The following STUM variants were observed in gnomAD, a reference collection of about 807,000 sequenced individuals.
The protein encoded by STUM is protein stum homolog.
In STUM, 8 loss-of-function variants were observed where a neutral mutation model predicts 15.3. The observed-to-expected ratio is 0.52, with a 90% CI of 0.31 to 0.94. The LOEUF (loss-of-function observed/expected upper bound fraction) is 0.94, where lower values mean the gene tolerates loss of function less well. Ranked by LOEUF, STUM falls within the 40% of genes least tolerant of loss-of-function variation. The pLI, the probability that STUM is intolerant of heterozygous loss-of-function variation, is 0.05. For missense variants in STUM, 142 were observed against 204.9 expected (o/e 0.69, Z 1.87); for synonymous variants, 78 against 88.7 (o/e 0.88, Z 0.68).
chr1:226,580,291 T>C (rs1278022707), intron 1 of STUM, among the ~76,000 whole-genome samples: 2 of 152,000 alleles, frequency 1.3e-5, no homozygotes, highest in Non-Finnish European at 2.9e-5. Context: ...CTTGTACTTG[T>C]TTTTGAGAGG....
intron 1 of STUM, among the ~76,000 whole-genome samples, chr1:226,564,374 T>G (rs1011205710): frequency 1.4e-4 from 22 of 152,172 alleles, no homozygotes; most frequent in African/African-American, 5.1e-4. Context: ...TGAGTGGCTT[T>G]GTCTCCCAGG....
At chr1:226,587,431 C>T (rs1385112959) in intron 1 of STUM, among the ~76,000 whole-genome samples, 2 of 152,178 alleles carry the variant, frequency 1.3e-5, no homozygotes, top group Admixed American at 1.3e-4. Context: ...ACACTAACAG[C>T]TGCAGCCCAC....
At chr1:226,578,507 A>G (rs933219685) in intron 1 of STUM, among the ~76,000 whole-genome samples, 18 of 151,266 alleles carry the variant, frequency 1.2e-4, no homozygotes, top group Admixed American at 6.6e-5. Context: ...CTGGGACCAC[A>G]GGCATGCACC....
chr1:226,568,448 A>T (rs999424577), intron 1 of STUM, among the ~76,000 whole-genome samples: 9 of 152,166 alleles, frequency 5.9e-5, no homozygotes, highest in Admixed American at 5.9e-4. Flanking sequence ...CAGCTTCAGG[A>T]ATGTGGTTCA....
rs1170798890 is a variant in STUM at position 226,605,586 on chromosome 1, C to T, written c.*3546C>T. ...CTAAACATGCAACATAAATTACCAT[C>T]TCTTCTCCATCCCCTCAGCAGCCGC... On this transcript the variant is annotated 3_prime_UTR_variant, in exon 4 of 4. Transcript: ENST00000366788. The surrounding 1 kb of genome is among the most constrained non-coding windows in gnomAD (Gnocchi z 4.0). 1.3e-5 allele frequency: 2 copies of T among 152,180 alleles called. No individual in the cohort carries two copies. Among genetic ancestry groups the T allele is most frequent in the Non-Finnish European group, 2.9e-5 (2 of 68,026 alleles). 9.4% of individuals were successfully genotyped at this position (152,180 alleles called of 1,614,324 possible). A position where few individuals can be genotyped will look rare whatever the true frequency, so the allele number is the denominator to read the frequency against.
At position 226,602,865 on chromosome 1, in the gene STUM, T is replaced by G. The variant is rs1668293603; in HGVS notation, c.*825T>G. 1 of 152,200 alleles carries G rather than the reference T, an allele frequency of 6.6e-6. No homozygotes were observed. Among genetic ancestry groups the G allele is most frequent in the Non-Finnish European group, 1.5e-5 (1 of 68,040 alleles). The allele number at this position is 152,200 out of a possible 1,614,324, so 9.4% of individuals were successfully genotyped here. On this transcript the variant is annotated 3_prime_UTR_variant, in exon 4 of 4. Coordinates refer to ENST00000366788, the MANE Select transcript of STUM (RefSeq NM_001003665.4). ...CTGGCCCACATTCCTTTTTCTGAAG[T>G]CATTGGGGCCAGATGTGTCTCCGAA...
At chr1:226,580,212 G>A (rs899282660) in intron 1 of STUM, among the ~76,000 whole-genome samples, 5 of 152,310 alleles carry the variant, frequency 3.3e-5, no homozygotes, top group South Asian at 4.1e-4. Context: ...TGCAGGTGAT[G>A]GGAGTGGGTG....
At chr1:226,561,462 C>T (rs1326227638) in intron 1 of STUM, among the ~76,000 whole-genome samples, 2 of 152,052 alleles carry the variant, frequency 1.3e-5, no homozygotes, top group African/African-American at 2.4e-5. Flanking sequence ...TGTCCTGCAG[C>T]GTGTGTGTCT....
At chr1:226,586,493 G>GTCTCATA (rs1295430834) in intron 1 of STUM, among the ~76,000 whole-genome samples, 1 of 152,174 alleles carries the variant, frequency 6.6e-6, no homozygotes, top group Admixed American at 6.5e-5. Context: ...CATGTCTCAT[G>GTCTCATA]TCTCATGTCT....
intron 1 of STUM, among the ~76,000 whole-genome samples, chr1:226,558,364 G>C (rs1419995399): frequency 6.6e-6 from 1 of 152,156 alleles, no homozygotes; most frequent in Non-Finnish European, 1.5e-5. Context: ...GTATTTCTCT[G>C]AGTGGCAACT....
chr1:226,591,719 T>C (rs1275419285), intron 1 of STUM, among the ~76,000 whole-genome samples: 2 of 152,186 alleles, frequency 1.3e-5, no homozygotes, highest in Non-Finnish European at 1.5e-5. Flanking sequence ...TTCCTTATGC[T>C]CAAAACTTTC....
Position 226,552,776 on chromosome 1 carries a change from C to T in STUM, c.202+3670C>T, listed in dbSNP as rs1667391898. 1.3e-5 allele frequency among the ~76,000 whole-genome samples: 2 copies of T among 152,204 alleles called. 1 individual carries two copies. The highest frequency in any genetic ancestry group is 4.1e-4 in the South Asian group (2 of 4,830). Reference sequence around the variant, plus strand: ...CTTTCCTCTAGACCCAAGGCTCAAACTGATGATTAATCATGTCCTACCTCC... The same window carrying T: ...CTTTCCTCTAGACCCAAGGCTCAAATTGATGATTAATCATGTCCTACCTCC... On this transcript the variant is annotated intron_variant, in intron 1 of 3. Transcript: ENST00000366788. This position sits in a 1 kb window ranked among gnomAD's most constrained non-coding sequence, Gnocchi z 4.7.
chr1:226,550,919 G>T (rs1667365283), intron 1 of STUM, among the ~76,000 whole-genome samples: 1 of 152,030 alleles, frequency 6.6e-6, no homozygotes, highest in African/African-American at 2.4e-5. Flanking sequence ...GAATCCTATG[G>T]GATTTTTGTG....
chr1:226,599,903 G>T (rs1668239918), intron 2 of STUM, among the ~76,000 whole-genome samples: 1 of 152,216 alleles, frequency 6.6e-6, no homozygotes, highest in African/African-American at 2.4e-5. Context: ...GATCCAAGAG[G>T]TCTGCAAGAT....
intron 1 of STUM, among the ~76,000 whole-genome samples, chr1:226,588,804 A>G (rs1254727207): frequency 6.6e-6 from 1 of 152,214 alleles, no homozygotes; most frequent in Admixed American, 6.5e-5. Flanking sequence ...GCCTTGAACT[A>G]GGCAGCCCTT....
chr1:226,560,641 G>A (rs1020695208), intron 1 of STUM, among the ~76,000 whole-genome samples: 12 of 152,258 alleles, frequency 7.9e-5, no homozygotes, highest in Non-Finnish European at 1.2e-4. Context: ...GCCCTGGTTG[G>A]AGATGTTGCA....
In STUM at chr1:226,548,870, C is replaced by G. The variant is rs1304368211; in HGVS notation, c.-35C>G. 9.1e-6 allele frequency: 12 copies of G among 1,312,368 alleles called. No homozygotes were observed. In the East Asian group the frequency reaches 3.8e-4, roughly 42 times the overall value. The allele number at this position is 1,312,368 out of a possible 1,614,324, so 81.3% of individuals were successfully genotyped here. On this transcript the variant is annotated 5_prime_UTR_variant, in exon 1 of 4. Coordinates refer to ENST00000366788, the MANE Select transcript of STUM (RefSeq NM_001003665.4). ...CCCGTACGCTGGGCGCCAGCTCCGGCCGTGCTGCCCGGCTGCCTGAGAGCG... is the reference window on the plus strand; with the variant it reads ...CCCGTACGCTGGGCGCCAGCTCCGGGCGTGCTGCCCGGCTGCCTGAGAGCG...
chr1:226,578,809 C>T (rs753305465), intron 1 of STUM, among the ~76,000 whole-genome samples: 27 of 152,218 alleles, frequency 1.8e-4, no homozygotes, highest in Admixed American at 7.2e-4. Flanking sequence ...CTCTCCCCTC[C>T]CATCCCTGAG....
rs2102715686 is a variant in STUM at position 226,602,395 on chromosome 1, C to T, written c.*355C>T. 3.4e-6 allele frequency: 1 copy of T among 293,604 alleles called. No individual in the cohort carries two copies. The highest frequency in any genetic ancestry group is 4.7e-5 in the South Asian group (1 of 21,372). The allele number at this position is 293,604 out of a possible 1,614,324, so 18.2% of individuals were successfully genotyped here. Reference sequence around the variant, plus strand: ...GGCACGCCACGTCTGCTGGGCCGGGCCACACCGGGCCCTGTCTGGGTGAGC... The same window carrying T: ...GGCACGCCACGTCTGCTGGGCCGGGTCACACCGGGCCCTGTCTGGGTGAGC... On this transcript the variant is annotated 3_prime_UTR_variant, in exon 4 of 4. Transcript: ENST00000366788.
Sources: gnomAD v4.1 joint callset for allele counts (sites outside exome capture counted in the v4.1 genomes callset) on GRCh38, gnomAD v4.1.1 for gene constraint, Gnocchi (gnomAD v3.1) non-coding constraint, MANE v1.5 for transcripts, NCBI Gene and HGNC (gene_info 2026-07-23, HGNC 2026-07-21) for gene names.